Variants in ROBO1 observed in about 807,000 individuals in gnomAD.
ROBO1 encodes the protein roundabout homolog 1.
ROBO1 carries 149 observed loss-of-function variants against 195.9 expected under a neutral mutation model. The observed-to-expected ratio is 0.76, with a 90% confidence interval of 0.67 to 0.87. The LOEUF (loss-of-function observed/expected upper bound fraction) is 0.87. ROBO1 is among the 40% of genes least tolerant of loss of function. The pLI is 0.00. For synonymous variants in ROBO1, 816 were observed against 733.2 expected (o/e 1.11, Z -1.82); for missense variants, 1,933 against 2,068.3 (o/e 0.93, Z 1.27).
chr3:79,447,318 C>G (rs2039295066), intron 2 of ROBO1, among the ~76,000 whole-genome samples: 1 of 151,832 alleles, frequency 6.6e-6, no homozygotes, highest in South Asian at 2.1e-4. Context: ...TAATGGAAGG[C>G]CTCTCCCACA....
At chr3:79,289,251 C>T (rs2032089057) in intron 2 of ROBO1, among the ~76,000 whole-genome samples, 1 of 152,072 alleles carries the variant, frequency 6.6e-6, no homozygotes, top group Admixed American at 6.5e-5. Flanking sequence ...AATTTCAAGA[C>T]TATATCCTCA....
At chr3:79,148,104 G>C (rs1265804283) in intron 2 of ROBO1, among the ~76,000 whole-genome samples, 7 of 151,444 alleles carry the variant, frequency 4.6e-5, no homozygotes. Context: ...ATTTATGTAG[G>C]CCGCAATAAT....
At chr3:79,567,493 CTTTAT>C (rs1943127818) in intron 2 of ROBO1, among the ~76,000 whole-genome samples, 1 of 152,134 alleles carries the variant, frequency 6.6e-6, no homozygotes, top group Non-Finnish European at 1.5e-5. Context: ...AGCTGAACTA[CTTTAT>C]TTTTGTTGTC....
chr3:79,502,608 CG>C (rs1301758541), intron 2 of ROBO1, among the ~76,000 whole-genome samples: 36 of 152,308 alleles, frequency 2.4e-4, no homozygotes, highest in African/African-American at 8.7e-4. Flanking sequence ...GGAGTGCAGG[CG>C]CACAGCGCGG....
intron 4 of ROBO1, among the ~76,000 whole-genome samples, chr3:78,916,800 G>A (rs2107572307): frequency 6.6e-6 from 1 of 152,134 alleles, no homozygotes; most frequent in African/African-American, 2.4e-5. Context: ...GTAAGGGTCT[G>A]GATAGACATT....
intron 2 of ROBO1, among the ~76,000 whole-genome samples, chr3:79,481,940 G>A (rs1005829887): frequency 2.0e-5 from 3 of 152,126 alleles, no homozygotes; most frequent in Admixed American, 6.5e-5. Flanking sequence ...TGACTCTTAA[G>A]TGAATTTAAC....
chr3:79,186,582 A>G (rs2081442986), intron 2 of ROBO1, among the ~76,000 whole-genome samples: 3 of 152,076 alleles, frequency 2.0e-5, no homozygotes, highest in African/African-American at 7.2e-5. Flanking sequence ...CATTCACCAC[A>G]TATTCTGCTG....
At position 78,946,615 on chromosome 3, in the gene ROBO1, T is replaced by C. The variant is rs1403652896; in HGVS notation, c.173-7688A>G. On this transcript the variant is annotated intron_variant, in intron 3 of 30. Transcript: ENST00000464233. ...AAGGCTAGGAAGAAACTGCATCAAC[T>C]AATGAGCAAAATAACCAGCTAACAT... Among the ~76,000 whole-genome samples, 8 of 152,188 alleles carry C rather than the reference T, an allele frequency of 5.3e-5. No individual in the cohort carries two copies. The South Asian group carries it at 6.2e-4, about 12-fold the overall frequency.
At chr3:79,521,510 A>G (rs1377153401) in intron 2 of ROBO1, among the ~76,000 whole-genome samples, 1 of 152,162 alleles carries the variant, frequency 6.6e-6, no homozygotes, top group South Asian at 2.1e-4. Flanking sequence ...GAAAAATGCT[A>G]TAATAGGTGT....
At chr3:78,690,729 A>G (rs538804637) in intron 8 of ROBO1, among the ~76,000 whole-genome samples, 4 of 152,136 alleles carry the variant, frequency 2.6e-5, no homozygotes, top group Non-Finnish European at 4.4e-5. Context: ...GATTAATTAG[A>G]TGAGTGGGAG....
chr3:79,726,568 A>G (rs1283460032), intron 1 of ROBO1, among the ~76,000 whole-genome samples: 1 of 152,056 alleles, frequency 6.6e-6, no homozygotes, highest in Non-Finnish European at 1.5e-5. Context: ...ATTAAAATTG[A>G]TTTTATTGTG....
At chr3:78,608,240 A>T (rs564216244) in intron 28 of ROBO1, among the ~76,000 whole-genome samples, 240 of 152,030 alleles carry the variant, frequency 1.6e-3, no homozygotes, top group African/African-American at 5.5e-3. Flanking sequence ...GCCTCCTGAG[A>T]AACTGGGACT....
chr3:79,372,378 T>C (rs1411711266), intron 2 of ROBO1, among the ~76,000 whole-genome samples: 1 of 151,882 alleles, frequency 6.6e-6, no homozygotes, highest in African/African-American at 2.4e-5. Flanking sequence ...CCAGCTAATT[T>C]TTTTGTATTT....
intron 1 of ROBO1, among the ~76,000 whole-genome samples, chr3:79,685,751 T>A (rs1200381378): frequency 1.3e-5 from 2 of 151,992 alleles, no homozygotes; most frequent in East Asian, 3.9e-4. Context: ...GCTACAAAAG[T>A]CCAGGACCAG....
intron 2 of ROBO1, among the ~76,000 whole-genome samples, chr3:79,166,487 G>A (rs2081065669): frequency 6.6e-6 from 1 of 151,524 alleles, no homozygotes; most frequent in African/African-American, 2.4e-5. Flanking sequence ...TTTCAATTAT[G>A]TGATCAACAA....
intron 3 of ROBO1, among the ~76,000 whole-genome samples, chr3:78,970,886 A>G (rs2107909973): frequency 6.6e-6 from 1 of 152,046 alleles, no homozygotes; most frequent in Non-Finnish European, 1.5e-5. Flanking sequence ...AGCTCTTCTC[A>G]CCATAGTTGA....
At chr3:79,559,700 C>T (rs1172484505) in intron 2 of ROBO1, among the ~76,000 whole-genome samples, 5 of 151,954 alleles carry the variant, frequency 3.3e-5, no homozygotes, top group African/African-American at 4.8e-5. Context: ...GGGCAGATTA[C>T]GAGGTCAGGA....
intron 2 of ROBO1, among the ~76,000 whole-genome samples, chr3:79,556,009 GAATT>G (rs1283328485): frequency 3.3e-5 from 5 of 151,980 alleles, no homozygotes; most frequent in Non-Finnish European, 7.4e-5. Context: ...AATTCTCTAA[GAATT>G]AATATTATTG....
At chr3:78,806,244 G>A (rs1370634146) in intron 4 of ROBO1, among the ~76,000 whole-genome samples, 1 of 152,094 alleles carries the variant, frequency 6.6e-6, no homozygotes, top group Non-Finnish European at 1.5e-5. Flanking sequence ...ACAGTGCTGG[G>A]ATTATAGGCA....
Sources: gnomAD v4.1 joint callset for allele counts (sites outside exome capture counted in the v4.1 genomes callset) on GRCh38, gnomAD v4.1.1 for gene constraint, MANE v1.5 for transcripts, NCBI Gene and HGNC (gene_info 2026-07-23, HGNC 2026-07-21) for gene names.